The following RIN1 variants were observed in gnomAD, a reference collection of about 807,000 sequenced individuals.
RIN1 encodes Ras and Rab interactor 1, also known as ras inhibitor 1.
RIN1 carries 52 observed loss-of-function variants against 64.9 expected under a neutral mutation model. The ratio of observed to expected loss-of-function variants is 0.80; its 90% CI spans 0.64 to 1.01. The LOEUF is 1.01. Among genes scored for constraint, RIN1 ranks in the 50% least tolerant of loss-of-function variants. The probability of loss-of-function intolerance (pLI) is 0.00; values close to 1 mark genes in which losing one functional copy is unlikely to be tolerated. For synonymous variants in RIN1, 486 were observed against 483.6 expected (o/e 1.00, Z -0.06); for missense variants, 1,040 against 1,064.5 (o/e 0.98, Z 0.32).
chr11:66,333,839 G>A, intron 7 of RIN1, 80 bp downstream of exon 7: 1 of 1,441,008 alleles, frequency 6.9e-7, no homozygotes. Flanking sequence ...GGCTGTTCTA[G>A]GGTCCTGGGG....
chr11:66,333,013 C>T lies in RIN1; in HGVS notation c.1875+245G>A, dbSNP rs1472222751. 5 of 609,304 alleles carry T rather than the reference C, an allele frequency of 8.2e-6. No individual in the cohort carries two copies. The African/African-American group carries it at 9.3e-5, about 11-fold the overall frequency. 37.7% of individuals were successfully genotyped at this position (609,304 alleles called of 1,614,324 possible). A position where few individuals can be genotyped will look rare whatever the true frequency, so the allele number is the denominator to read the frequency against. On this transcript the variant is annotated intron_variant, in intron 9 of 9. Transcript: ENST00000311320. ...GTGAGTAATTTGTGCCCCAAGCACT[C>T]TCCTGCATTAACTCATTTAATCTTC...
At chr11:66,334,368 G>A in intron 6 of RIN1, 144 bp from the exon 7 acceptor site, 1 of 1,258,092 alleles carries the variant, frequency 7.9e-7, no homozygotes, top group Non-Finnish European at 1.1e-6. Flanking sequence ...AGAGTTGGGG[G>A]AGAGAGGGGA....
Position 66,336,392 on chromosome 11 carries a change from G to A in RIN1, c.11C>T (p.Pro4Leu), listed in dbSNP as rs776212081. The stretch of plus-strand genomic sequence containing the variant: ...AGGAGAGCCCGCGCCTGACTCTCCA[G>A]GGCTTTCCATGGCTGGGAGCTCCTT... MES[P>L]GESGAGSPGA... The change falls in exon 1 of 10, where the codon CCT becomes CTT. Residue 4 changes from proline (P) to leucine (L), a missense_variant. Physicochemically the swap from Pro to Leu is moderately conservative, Grantham distance 98. Transcript: ENST00000311320. 7 of 1,613,066 alleles carry A rather than the reference G, an allele frequency of 4.3e-6. No homozygotes were observed. The South Asian group carries it at 4.4e-5, about 10-fold the overall frequency.
rs1436991585 is a variant in RIN1, at chr11:66,335,643, A to G, written c.422T>C (p.Leu141Pro). 2 of 1,613,736 alleles carry G rather than the reference A, an allele frequency of 1.2e-6. No homozygotes were observed. The highest frequency in any genetic ancestry group is 2.2e-5 in the East Asian group (1 of 44,854). Residue 141 changes from leucine (L) to proline (P), a missense_variant, in exon 4 of 10, where the codon CTA becomes CCA. Physicochemically the swap from Leu to Pro is moderately conservative, Grantham distance 98. Coordinates refer to ENST00000311320, the MANE Select transcript of RIN1 (RefSeq NM_004292.3). Reference sequence around the variant, plus strand: ...GCAGTAGGCACAGATGAGCTGGACTAGGTCTGGGAACATGAGCTCCGAGCC... The same window carrying G: ...GCAGTAGGCACAGATGAGCTGGACTGGGTCTGGGAACATGAGCTCCGAGCC... The part of the protein sequence containing the change: ...LEGSELMFPD[L>P]VQLICAYCHT...
rs1167575448 is a variant in RIN1, at chr11:66,334,078, C to T, written c.1432G>A (p.Gly478Arg). 8.9e-6 allele frequency: 14 copies of T among 1,568,014 alleles called. No homozygotes were observed. Among genetic ancestry groups the T allele is most frequent in the Admixed American group, 3.8e-5 (2 of 52,240 alleles). ...GLRLARAQGP[G>R]AFGSHLSLPS... ...AGGCTCAGGTGGGACCCGAAGGCTC[C>T]GGGGCCCTGGGCCCGGGCCAGGCGG... The change falls in exon 7 of 10, where the codon GGA becomes AGA. Residue 478 changes from glycine to arginine, a missense_variant. Gly to Arg is a moderately radical substitution (Grantham distance 125). Coordinates refer to ENST00000311320, the MANE Select transcript of RIN1 (RefSeq NM_004292.3).
At position 66,333,716 on chromosome 11, in the gene RIN1, A is replaced by T. The variant is rs979821308; in HGVS notation, c.1592-58T>A. 12 of 1,555,338 alleles carry T rather than the reference A, an allele frequency of 7.7e-6. No individual in the cohort carries two copies. In the African/African-American group the frequency reaches 1.6e-4, roughly 21 times the overall value. On this transcript the variant is annotated intron_variant, in intron 7 of 9. Transcript: ENST00000311320. The stretch of plus-strand genomic sequence containing the variant: ...GGTACAGTCCTTGCTTTAGGCAGTG[A>T]CCCCTCCCCATGCCCTAGCAACCAT...
Position 66,332,494 on chromosome 11 carries a change from C to T in RIN1, c.2134G>A (p.Ala712Thr). 1 of 1,614,140 alleles carries T rather than the reference C, an allele frequency of 6.2e-7. No homozygotes were observed. The highest frequency in any genetic ancestry group is 1.3e-5 in the African/African-American group (1 of 75,060). Residue 712 changes from alanine to threonine, a missense_variant, in exon 10 of 10, where the codon GCT (alanine) becomes ACT (threonine). Coordinates refer to ENST00000311320, the MANE Select transcript of RIN1 (RefSeq NM_004292.3). ...CCACTGCCCTCCTCCTCTGTCACAG[C>T]CCCCTGGGTCTCAGGCCACTCCGCC... is the stretch of plus-strand genomic sequence containing the variant. ...RRAEWPETQG[A>T]VTEEEGSGQS... is the part of the protein sequence containing the mutation.
chr11:66,333,775 G>A (rs935572178), intron 7 of RIN1, 117 bp from the exon 8 acceptor site: 2 of 1,447,196 alleles, frequency 1.4e-6, no homozygotes, highest in Non-Finnish European at 1.8e-6. Flanking sequence ...CTCCTCTCTA[G>A]GCCTCAGTTT....
chr11:66,335,558 T>C (rs1854865335), intron 4 of RIN1, 52 bp downstream of exon 4: 2 of 1,612,432 alleles, frequency 1.2e-6, no homozygotes, highest in Non-Finnish European at 1.7e-6. Flanking sequence ...AAGGATGGGC[T>C]GTCCCAAGGA....
chr11:66,336,741 G>A, upstream of RIN1: 2 of 290,374 alleles, frequency 6.9e-6, no homozygotes, highest in South Asian at 1.4e-4. Flanking sequence ...TGCTCTGGGG[G>A]CACCTTTGGC....
chr11:66,332,350 G>T lies in RIN1; in HGVS notation c.2278C>A (p.Gln760Lys), dbSNP rs1439775940. The part of the protein sequence containing the change: ...EQSETTAEGG[Q>K]GQAQEGPAQP... Reference sequence around the variant, plus strand: ...GCAGGGCCTTCCTGGGCTTGACCCTGGCCCCCTTCAGCAGTTGTCTCAGAC... The same window carrying T: ...GCAGGGCCTTCCTGGGCTTGACCCTTGCCCCCTTCAGCAGTTGTCTCAGAC... The change falls in exon 10 of 10, where the codon CAG becomes AAG. Residue 760 changes from glutamine to lysine, a missense_variant. Physicochemically the swap from Gln to Lys is moderately conservative, Grantham distance 53. Coordinates refer to ENST00000311320, the MANE Select transcript of RIN1 (RefSeq NM_004292.3). 1 of 1,614,138 alleles carries T rather than the reference G, an allele frequency of 6.2e-7. No homozygotes were observed. The highest frequency in any genetic ancestry group is 8.5e-7 in the Non-Finnish European group (1 of 1,180,014).
At chr11:66,335,293 G>C (rs1478145683) in intron 5 of RIN1, 42 bp from the exon 6 acceptor site, 1 of 1,559,332 alleles carries the variant, frequency 6.4e-7, no homozygotes, top group Admixed American at 2.2e-5. Flanking sequence ...GGACTGGTTA[G>C]GGGAAGTTTC....
chr11:66,333,872 T>C, intron 7 of RIN1, 47 bp downstream of exon 7: 1 of 1,469,970 alleles, frequency 6.8e-7, no homozygotes, highest in South Asian at 1.4e-5. Flanking sequence ...GGGGCCCGCC[T>C]CTGACTCAAA....
In RIN1 at chr11:66,333,668, C is replaced by G; in HGVS notation, c.1592-10G>C. ...GCACCCGCGCCCTCCCCTGTGGGGA[C>G]ATGGTGAGAGGAAGAAGCTTCAGGT... On this transcript the variant is annotated splice_polypyrimidine_tract_variant and intron_variant, in intron 7 of 9. Coordinates refer to ENST00000311320, the MANE Select transcript of RIN1 (RefSeq NM_004292.3). The G allele has an allele frequency of 6.2e-7, 1 of 1,606,462 alleles. No homozygotes were observed. Among genetic ancestry groups the G allele is most frequent in the Non-Finnish European group, 8.5e-7 (1 of 1,176,306 alleles).
upstream of RIN1, chr11:66,336,593 C>T: frequency 1.7e-6 from 1 of 578,782 alleles, no homozygotes; most frequent in South Asian, 2.2e-5. Flanking sequence ...GGGTCCCCTC[C>T]ATGCTAGCCC....
At position 66,332,236 on chromosome 11, in the gene RIN1, A is replaced by T; in HGVS notation, c.*40T>A. 1.3e-6 allele frequency: 2 copies of T among 1,583,948 alleles called. No individual in the cohort carries two copies. Among genetic ancestry groups the T allele is most frequent in the Non-Finnish European group, 1.7e-6 (2 of 1,154,760 alleles). On this transcript the variant is annotated 3_prime_UTR_variant, in exon 10 of 10. Transcript: ENST00000311320. ...GCTAAAAGGATTTCTCAGCAGGCTC[A>T]GGGTCTCCCGCCCCGAATGACCCTT...
Position 66,330,977 on chromosome 11 carries a change from C to G in RIN1, c.*1299G>C, listed in dbSNP as rs968377948. 6.6e-6 allele frequency: 1 copy of G among 152,282 alleles called. No individual in the cohort carries two copies. The highest frequency in any genetic ancestry group is 6.5e-5 in the Admixed American group (1 of 15,290). 9.4% of individuals were successfully genotyped at this position (152,282 alleles called of 1,614,324 possible). On this transcript the variant is annotated 3_prime_UTR_variant, in exon 10 of 10. Transcript: ENST00000311320. ...TACCCAGACCCCAGAATCTAAGGGA[C>G]CTGGGGGCCAGTGGCCTTGGCCCCT... is the stretch of plus-strand genomic sequence containing the variant.
Position 66,331,903 on chromosome 11 carries a change from T to G in RIN1, c.*373A>C. Reference sequence around the variant, plus strand: ...GGTGGGAGATACTTGGGTGGAGCCCTGCCTCAGCCATGCCCATGAGGGGAA... The same window carrying G: ...GGTGGGAGATACTTGGGTGGAGCCCGGCCTCAGCCATGCCCATGAGGGGAA... On this transcript the variant is annotated 3_prime_UTR_variant, in exon 10 of 10. Transcript: ENST00000311320. 3.7e-6 allele frequency: 1 copy of G among 270,348 alleles called. No individual in the cohort carries two copies. The highest frequency in any genetic ancestry group is 5.3e-5 in the South Asian group (1 of 18,892). The allele number at this position is 270,348 out of a possible 1,614,324, so 16.7% of individuals were successfully genotyped here.
chr11:66,331,255 C>T lies in RIN1; in HGVS notation c.*1021G>A, dbSNP rs1590915733. 1 of 152,342 alleles carries T rather than the reference C, an allele frequency of 6.6e-6. No individual in the cohort carries two copies. Among genetic ancestry groups the T allele is most frequent in the African/African-American group, 2.4e-5 (1 of 41,468 alleles). The allele number at this position is 152,342 out of a possible 1,614,324, so 9.4% of individuals were successfully genotyped here. A position where few individuals can be genotyped will look rare whatever the true frequency, so the allele number is the denominator to read the frequency against. Reference sequence around the variant, plus strand: ...GAGGGTGGAGTTGGAACCTGATGCCCTGGTTTGGGCGGGGGAACCCTTAAG... The same window carrying T: ...GAGGGTGGAGTTGGAACCTGATGCCTTGGTTTGGGCGGGGGAACCCTTAAG... On this transcript the variant is annotated 3_prime_UTR_variant, in exon 10 of 10. Transcript: ENST00000311320.
Sources: gnomAD v4.1 joint callset for allele counts on GRCh38, gnomAD v4.1.1 for gene constraint, MANE v1.5 for transcripts, NCBI Gene and HGNC (gene_info 2026-07-23, HGNC 2026-07-21) for gene names.